PPP6C: variants seen among roughly 807,000 people sequenced by gnomAD.
PPP6C encodes protein phosphatase 6 catalytic subunit.
In PPP6C, 11 loss-of-function variants were observed where a neutral mutation model predicts 39.8. The ratio of observed to expected loss-of-function variants is 0.28; its 90% CI spans 0.17 to 0.46. The LOEUF is 0.46. Among genes scored for constraint, PPP6C ranks in the 20% least tolerant of loss-of-function variants. PPP6C has a pLI of 1.00. For missense variants in PPP6C, 211 were observed against 373.9 expected, an observed-to-expected ratio of 0.56 and a Z score of 3.59; for synonymous variants, 129 against 130.3, an observed-to-expected ratio of 0.99 and a Z score of 0.07.
At position 125,150,711 on chromosome 9, in the gene PPP6C, C is replaced by T. The variant is rs752631207; in HGVS notation, c.670-790G>A. On this transcript the variant is annotated intron_variant, in intron 6 of 6. Transcript: ENST00000373547. ...GGGCTTATCTCAGAAAACTGCCGATCGCCTGGGCCTGGAGCTCGGCAAGGC... is the reference window on the plus strand; with the variant it reads ...GGGCTTATCTCAGAAAACTGCCGATTGCCTGGGCCTGGAGCTCGGCAAGGC... 3.5e-6 allele frequency: 3 copies of T among 847,444 alleles called. No homozygotes were observed. In the Admixed American group the frequency reaches 5.6e-5, roughly 16 times the overall value. The allele number at this position is 847,444 out of a possible 1,614,324, so 52.5% of individuals were successfully genotyped here.
Position 125,178,954 on chromosome 9 carries a change from TC to T in PPP6C, c.76-7775del, listed in dbSNP as rs1829364043. Among the ~76,000 whole-genome samples the T allele has an allele frequency of 2.6e-5, 4 of 152,176 alleles. No individual in the cohort carries two copies. In the South Asian group the frequency reaches 8.3e-4, roughly 32 times the overall value. On this transcript the variant is annotated intron_variant, in intron 1 of 6. Coordinates refer to ENST00000373547, the MANE Select transcript of PPP6C (RefSeq NM_002721.5). Reference sequence around the variant, plus strand: ...TGCAGGCCAGGCATGGTGGCTCACGTCTGTAATCCCAGCACTTTGGGAGGCC... The same window carrying T: ...TGCAGGCCAGGCATGGTGGCTCACGTTGTAATCCCAGCACTTTGGGAGGCC...
intron 1 of PPP6C, among the ~76,000 whole-genome samples, chr9:125,177,884 T>C (rs1223860323): frequency 1.3e-5 from 2 of 152,234 alleles, no homozygotes; most frequent in African/African-American, 4.8e-5. Flanking sequence ...CAAAATGTCA[T>C]ATAGTTGGAA....
At chr9:125,164,319 T>C (rs1345858394) in intron 2 of PPP6C, among the ~76,000 whole-genome samples, 4 of 143,344 alleles carry the variant, frequency 2.8e-5, no homozygotes, top group Non-Finnish European at 6.0e-5. Context: ...CTCTGGCTCC[T>C]GGGTTCAAGC....
chr9:125,154,073 C>G (rs1242201147), intron 4 of PPP6C, 88 bp from the exon 5 acceptor site: 2 of 1,000,096 alleles, frequency 2.0e-6, no homozygotes, highest in South Asian at 1.5e-5. Context: ...TTCAGTACAA[C>G]AGAAATTCAG....
chr9:125,173,810 G>A (rs1029084856), intron 1 of PPP6C, among the ~76,000 whole-genome samples: 1 of 151,910 alleles, frequency 6.6e-6, no homozygotes, highest in Non-Finnish European at 1.5e-5. Flanking sequence ...TAGAGACAAG[G>A]TTTCACCATG....
chr9:125,184,502 A>G (rs1293263829), intron 1 of PPP6C, among the ~76,000 whole-genome samples: 1 of 151,958 alleles, frequency 6.6e-6, no homozygotes, highest in African/African-American at 2.4e-5. Flanking sequence ...GGTTGCAGCA[A>G]GCTACAACTG....
intron 6 of PPP6C, 69 bp from the exon 7 acceptor site, chr9:125,149,990 T>TA: frequency 6.5e-7 from 1 of 1,528,152 alleles, no homozygotes; most frequent in Non-Finnish European, 8.8e-7. Flanking sequence ...ATCATTTAAA[T>TA]AAAATACCAA....
intron 6 of PPP6C, among the ~76,000 whole-genome samples, chr9:125,152,025 G>C (rs1159679608): frequency 2.0e-5 from 3 of 151,950 alleles, no homozygotes; most frequent in African/African-American, 4.8e-5. Flanking sequence ...TATGGCAAGA[G>C]CCCTGGGCAA....
chr9:125,153,172 C>G (rs562709081), intron 6 of PPP6C, among the ~76,000 whole-genome samples: 1 of 152,048 alleles, frequency 6.6e-6, no homozygotes, highest in East Asian at 1.9e-4. Flanking sequence ...ACTCAGGAGG[C>G]TGAGGCAGGA....
intron 6 of PPP6C, chr9:125,151,338 A>C (rs1588270736): frequency 7.2e-7 from 1 of 1,394,890 alleles, no homozygotes. Context: ...GCAGCTGACA[A>C]ACTTCTCTCA....
At chr9:125,150,985 A>G (rs1433547399) in intron 6 of PPP6C, 3 of 1,345,784 alleles carry the variant, frequency 2.2e-6, no homozygotes, top group Non-Finnish European at 3.2e-6. Context: ...TGTTGCAAAC[A>G]TGCTATCTGT....
chr9:125,180,260 A>G (rs1829393760), intron 1 of PPP6C, among the ~76,000 whole-genome samples: 1 of 152,164 alleles, frequency 6.6e-6, no homozygotes, highest in Non-Finnish European at 1.5e-5. Context: ...TTTCCAGTCA[A>G]TTTCAAAATA....
chr9:125,167,879 C>A (rs1036920157), intron 2 of PPP6C, among the ~76,000 whole-genome samples: 2 of 144,936 alleles, frequency 1.4e-5, no homozygotes, highest in Non-Finnish European at 3.0e-5. Context: ...GGTCTTGAAC[C>A]CATGGCTTCA....
chr9:125,167,379 C>CAAAAAAAAAAAAAA (rs758123351), intron 2 of PPP6C, among the ~76,000 whole-genome samples: 18 of 56,090 alleles, frequency 3.2e-4, no homozygotes, highest in African/African-American at 1.1e-3. Flanking sequence ...AGACCCTGTC[C>CAAAAAAAAAAAAAA]AAAAAAAAAA....
intron 1 of PPP6C, among the ~76,000 whole-genome samples, chr9:125,183,407 C>T (rs929734673): frequency 1.3e-5 from 2 of 152,158 alleles, no homozygotes; most frequent in African/African-American, 4.8e-5. Context: ...TGTCATATTC[C>T]TACCACATAC....
At chr9:125,185,413 G>A (rs753341280) in intron 1 of PPP6C, among the ~76,000 whole-genome samples, 2 of 151,906 alleles carry the variant, frequency 1.3e-5, no homozygotes, top group Non-Finnish European at 2.9e-5. Flanking sequence ...TGTTATGTAT[G>A]CCAGGCATGG....
In PPP6C at chr9:125,149,781, C is replaced by G. The variant is rs752248149; in HGVS notation, c.810G>C (p.Ser270=). 1 of 1,613,996 alleles carries G rather than the reference C, an allele frequency of 6.2e-7. No homozygotes were observed. Among genetic ancestry groups the G allele is most frequent in the Admixed American group, 1.7e-5 (1 of 59,996 alleles). ...TATTTACATCTTTGAAGACCATGATCGAAGCAATATTTCCACAACGATAGC... is the reference window on the plus strand; with the variant it reads ...TATTTACATCTTTGAAGACCATGATGGAAGCAATATTTCCACAACGATAGC... ...NYCYRCGNIA[S]IMVFKDVNTR... Residue 270 remains serine (S), a synonymous_variant, in exon 7 of 7, where the codon TCG becomes TCC. Transcript: ENST00000373547.
At chr9:125,179,956 G>A (rs1047121417) in intron 1 of PPP6C, among the ~76,000 whole-genome samples, 3 of 151,940 alleles carry the variant, frequency 2.0e-5, no homozygotes, top group African/African-American at 4.8e-5. Context: ...CACCCAGCCC[G>A]AATATAATTT....
rs532912630 is a variant in PPP6C, at chr9:125,160,098, G to T, written c.237+743C>A. Among the ~76,000 whole-genome samples, 4 of 152,132 alleles carry T rather than the reference G, an allele frequency of 2.6e-5. No individual in the cohort carries two copies. The East Asian group carries it at 7.7e-4, about 29-fold the overall frequency. On this transcript the variant is annotated intron_variant, in intron 3 of 6. Transcript: ENST00000373547. ...AGAAGGATCCAGAAAAAGTTCAACA[G>T]TAACATTACATTCCAAAAGAAAAGC...
Sources: gnomAD v4.1 joint callset for allele counts (sites outside exome capture counted in the v4.1 genomes callset) on GRCh38, gnomAD v4.1.1 for gene constraint, MANE v1.5 for transcripts, NCBI Gene and HGNC (gene_info 2026-07-23, HGNC 2026-07-21) for gene names.